Variants in WDFY1 observed in about 807,000 individuals in gnomAD.
WDFY1 encodes the protein WD repeat and FYVE domain containing 1, also known as WD repeat and FYVE domain-containing protein 1.
WDFY1 carries 32 observed loss-of-function variants against 56.4 expected under a neutral mutation model. The ratio of observed to expected loss-of-function variants is 0.57; its 90% confidence interval spans 0.43 to 0.76. The LOEUF (loss-of-function observed/expected upper bound fraction) is 0.76. Among genes scored for constraint, WDFY1 ranks in the 30% least tolerant of loss-of-function variants. The pLI is 0.00. For missense variants in WDFY1, 480 were observed against 545.7 expected, an observed-to-expected ratio of 0.88 and a Z score of 1.20; for synonymous variants, 192 against 197.3, an observed-to-expected ratio of 0.97 and a Z score of 0.23.
At chr2:223,909,693 T>C (rs519275) in intron 3 of WDFY1, among the ~76,000 whole-genome samples, 133,178 of 151,940 alleles carry the variant, frequency 0.88, 58,905 homozygotes, top group Non-Finnish European at 0.95. Flanking sequence ...GGCTGTCATC[T>C]GACTTCTCTT....
At chr2:223,899,257 T>C (rs1422187256) in intron 5 of WDFY1, 187 bp from the exon 6 acceptor site, 5 of 517,250 alleles carry the variant, frequency 9.7e-6, no homozygotes, top group South Asian at 2.9e-5. Flanking sequence ...TATGTAAATA[T>C]TGAAGGTAAA....
At chr2:223,929,581 A>G (rs1283743208) in intron 1 of WDFY1, among the ~76,000 whole-genome samples, 1 of 152,142 alleles carries the variant, frequency 6.6e-6, no homozygotes, top group Non-Finnish European at 1.5e-5. Context: ...GATTCGTGAA[A>G]AGCAACTCTG....
intron 3 of WDFY1, among the ~76,000 whole-genome samples, chr2:223,911,637 C>T (rs570361083): frequency 6.7e-6 from 1 of 150,328 alleles, no homozygotes; most frequent in South Asian, 2.1e-4. Context: ...GGCTCTCCAC[C>T]ATCACGGCTA....
intron 2 of WDFY1, among the ~76,000 whole-genome samples, chr2:223,914,434 C>T (rs58759322): frequency 0.015 from 2,229 of 152,138 alleles, 52 homozygotes; most frequent in African/African-American, 0.05. Context: ...GAACATAAAC[C>T]CTTTCATTTA....
chr2:223,891,474 A>G (rs1196859472), intron 8 of WDFY1, among the ~76,000 whole-genome samples: 1 of 151,732 alleles, frequency 6.6e-6, no homozygotes, highest in Non-Finnish European at 1.5e-5. Context: ...CTCAGTTATT[A>G]AAAAACAAAC....
At chr2:223,944,316 G>A (rs1367430212) in intron 1 of WDFY1, among the ~76,000 whole-genome samples, 1 of 152,216 alleles carries the variant, frequency 6.6e-6, no homozygotes, top group African/African-American at 2.4e-5. Flanking sequence ...GAACTGACCC[G>A]GGAGGGCCAA....
rs143329175 is a variant in WDFY1, at chr2:223,928,786, GC to G, written c.138-10777del. ...TCCATCGCTGAGTACACTCACCCTG[GC>G]CTATGCTGGCCTTCAAATGAACTTG... On this transcript the variant is annotated intron_variant, in intron 1 of 11. Coordinates refer to ENST00000233055, the MANE Select transcript of WDFY1 (RefSeq NM_020830.5). 8.9e-3 allele frequency among the ~76,000 whole-genome samples: 1,349 copies of G among 152,300 alleles called. 21 individuals are homozygous for G. The highest frequency in any genetic ancestry group is 0.03 in the African/African-American group (1,258 of 41,562).
chr2:223,916,038 A>G (rs942608456), intron 2 of WDFY1, among the ~76,000 whole-genome samples: 1 of 152,224 alleles, frequency 6.6e-6, no homozygotes, highest in Non-Finnish European at 1.5e-5. Flanking sequence ...CAGGTTTTCA[A>G]GAAGTCTTCA....
chr2:223,881,985 C>T lies in WDFY1; in HGVS notation c.1021G>A (p.Val341Ile), dbSNP rs1359462222. 6.2e-7 allele frequency: 1 copy of T among 1,614,092 alleles called. No individual in the cohort carries two copies. Among genetic ancestry groups the T allele is most frequent in the Middle Eastern group, 1.6e-4 (1 of 6,062 alleles). Residue 341 changes from valine (V) to isoleucine (I), a missense_variant, in exon 10 of 12, where the codon GTC becomes ATC. Transcript: ENST00000233055. ...SYPVMGFEFQ[V>I]RVCDSCYDSI... ...TCGTAACAAGAATCACAAACCCGGA[C>T]TTGGAACTCGAAGCCCATGACTGGG...
chr2:223,940,926 G>T (rs540772007), intron 1 of WDFY1, among the ~76,000 whole-genome samples: 4 of 152,266 alleles, frequency 2.6e-5, no homozygotes, highest in Admixed American at 2.6e-4. Context: ...GGGTTCAAGT[G>T]ATTCTCCTGC....
At chr2:223,943,606 A>ATT (rs1689351284) in intron 1 of WDFY1, among the ~76,000 whole-genome samples, 1 of 152,232 alleles carries the variant, frequency 6.6e-6, no homozygotes, top group South Asian at 2.1e-4. Flanking sequence ...GACTATCCCT[A>ATT]TTTAAGACGG....
rs556860002 is a variant in WDFY1 at position 223,944,588 on chromosome 2, G to A, written c.137+560C>T. ...GGGGCGCACTGGAACCGGGGTCCCG[G>A]GCTTGAGTGGCGCGGTGGGACAGAG... On this transcript the variant is annotated intron_variant, in intron 1 of 11. Transcript: ENST00000233055. Among the ~76,000 whole-genome samples, 34 of 151,946 alleles carry A rather than the reference G, an allele frequency of 2.2e-4. 3 individuals carry two copies. The Middle Eastern group carries it at 0.031, about 138-fold the overall frequency.
intron 1 of WDFY1, among the ~76,000 whole-genome samples, chr2:223,934,482 T>G (rs772150675): frequency 6.6e-6 from 1 of 152,216 alleles, no homozygotes; most frequent in African/African-American, 2.4e-5. Flanking sequence ...GACATTACTA[T>G]AAGCTTTACA....
chr2:223,887,972 G>T (rs993666094), intron 8 of WDFY1, among the ~76,000 whole-genome samples: 3 of 152,160 alleles, frequency 2.0e-5, no homozygotes, highest in African/African-American at 7.2e-5. Flanking sequence ...AGTCCTACAT[G>T]AAATAGTTTT....
intron 1 of WDFY1, among the ~76,000 whole-genome samples, chr2:223,922,773 C>G (rs913006590): frequency 6.6e-6 from 1 of 152,158 alleles, no homozygotes; most frequent in Admixed American, 6.5e-5. Context: ...AGGAGAAAAT[C>G]TTAAAGGTTG....
chr2:223,941,206 C>G (rs1689298136), intron 1 of WDFY1, among the ~76,000 whole-genome samples: 1 of 152,158 alleles, frequency 6.6e-6, no homozygotes, highest in Admixed American at 6.5e-5. Context: ...ATCTGCCTGC[C>G]TTGGCCTCCC....
chr2:223,879,606 G>A (rs899776373), intron 11 of WDFY1, among the ~76,000 whole-genome samples: 9 of 151,782 alleles, frequency 5.9e-5, no homozygotes, highest in African/African-American at 2.2e-4. Context: ...GCCGCAGTGA[G>A]TAGTGACTGT....
chr2:223,920,006 T>C (rs992295806), intron 1 of WDFY1, among the ~76,000 whole-genome samples: 4 of 152,348 alleles, frequency 2.6e-5, no homozygotes, highest in East Asian at 3.9e-4. Flanking sequence ...CATTTGTTTG[T>C]GGCAATGAAG....
chr2:223,932,486 C>T (rs6708830), intron 1 of WDFY1, among the ~76,000 whole-genome samples: 139,774 of 152,148 alleles, frequency 0.92, 64,250 homozygotes, highest in Admixed American at 0.95. Flanking sequence ...ATTATTTCTA[C>T]AAAATCACAC....
Sources: gnomAD v4.1 joint callset for allele counts (sites outside exome capture counted in the v4.1 genomes callset) on GRCh38, gnomAD v4.1.1 for gene constraint, MANE v1.5 for transcripts, NCBI Gene and HGNC (gene_info 2026-07-23, HGNC 2026-07-21) for gene names.